MAJIN: variants seen among roughly 807,000 people sequenced by gnomAD.
The protein encoded by MAJIN is membrane-anchored junction protein.
Under a neutral mutation model 30.2 loss-of-function variants are expected in MAJIN, and 27 were observed. That is an observed-to-expected ratio of 0.89 (90% CI 0.66 to 1.23). The LOEUF (loss-of-function observed/expected upper bound fraction) is 1.23. Ranked by LOEUF, MAJIN falls within the 50% of genes most tolerant of loss-of-function variation. MAJIN has a pLI of 0.00. For missense variants in MAJIN, 253 were observed against 260.3 expected, an observed-to-expected ratio of 0.97 and a Z score of 0.19; for synonymous variants, 78 against 91.6, an observed-to-expected ratio of 0.85 and a Z score of 0.85.
chr11:64,948,604 TATA>T (rs1565126768), intron 6 of MAJIN, among the ~76,000 whole-genome samples: 430 of 21,458 alleles, frequency 0.02, 42 homozygotes, highest in Middle Eastern at 0.071. Flanking sequence ...GGCTACATCA[TATA>T]TATATATATA....
At chr11:64,956,704 T>G (rs538711068) in intron 3 of MAJIN, among the ~76,000 whole-genome samples, 97 of 150,606 alleles carry the variant, frequency 6.4e-4, no homozygotes, top group African/African-American at 2.3e-3. Context: ...ATATCCACAA[T>G]GATCTGAGAG....
chr11:64,964,247 T>G (rs1294009711), intron 1 of MAJIN, among the ~76,000 whole-genome samples: 10 of 152,180 alleles, frequency 6.6e-5, no homozygotes, highest in Admixed American at 6.5e-4. Context: ...CCCAGCCTCC[T>G]TTCACTTTCA....
chr11:64,943,639 AG>A (rs2136725179), intron 8 of MAJIN, among the ~76,000 whole-genome samples: 1 of 152,322 alleles, frequency 6.6e-6, no homozygotes, highest in East Asian at 1.9e-4. Flanking sequence ...TTAGGCCTTG[AG>A]TCAAAATCAA....
chr11:64,943,288 A>G (rs1945405549), intron 8 of MAJIN, among the ~76,000 whole-genome samples: 1 of 152,206 alleles, frequency 6.6e-6, no homozygotes. Flanking sequence ...TTATCCTTCC[A>G]AAGTCTGGAT....
intron 2 of MAJIN, among the ~76,000 whole-genome samples, chr11:64,959,685 T>C (rs1945693455): frequency 6.6e-6 from 1 of 152,220 alleles, no homozygotes; most frequent in Non-Finnish European, 1.5e-5. Context: ...ATCATTTCTC[T>C]TCCAGAAGAC....
intron 3 of MAJIN, among the ~76,000 whole-genome samples, chr11:64,958,902 G>A (rs1945678995): frequency 6.6e-6 from 1 of 152,014 alleles, no homozygotes; most frequent in South Asian, 2.1e-4. Context: ...TGGGATTATA[G>A]GTTTGAGCCA....
chr11:64,938,570 A>T lies in MAJIN; in HGVS notation c.*5T>A, dbSNP rs901902657. On this transcript the variant is annotated 3_prime_UTR_variant, in exon 11 of 11. Coordinates refer to ENST00000301896, the MANE Select transcript of MAJIN (RefSeq NM_001037225.3). ...TGAAGAAATATCGAAACGGGAAGAG[A>T]GAGCTGCAAGAATGAGAACAGAGTA... is the stretch of plus-strand genomic sequence containing the variant. 3.3e-6 allele frequency: 5 copies of T among 1,535,686 alleles called. No individual in the cohort carries two copies. The Admixed American group carries it at 5.9e-5, about 18-fold the overall frequency.
At chr11:64,966,440 T>C (rs1945810926) in intron 1 of MAJIN, among the ~76,000 whole-genome samples, 1 of 150,990 alleles carries the variant, frequency 6.6e-6, no homozygotes. Context: ...GAGGCTGAGG[T>C]AGGAGAATTG....
intron 1 of MAJIN, among the ~76,000 whole-genome samples, chr11:64,970,361 C>T (rs1258697627): frequency 2.7e-4 from 18 of 66,040 alleles, no homozygotes; most frequent in South Asian, 5.8e-4. Context: ...AAGACTCCGT[C>T]TTTTTTTTTT....
At position 64,956,736 on chromosome 11, in the gene MAJIN, T is replaced by TTTCCAAAC. The variant is rs547251114; in HGVS notation, c.102-1942_102-1935dup. Among the ~76,000 whole-genome samples, 55 of 151,674 alleles carry TTTCCAAAC rather than the reference T, an allele frequency of 3.6e-4. 1 individual carries two copies. The South Asian group carries it at 9.6e-3, about 27-fold the overall frequency. ...AGAGGGCTACTAATATAGTCCTACC[T>TTTCCAAAC]TTCCAAACTACAAATACATATAAGC... On this transcript the variant is annotated intron_variant, in intron 3 of 10. Transcript: ENST00000301896.
At chr11:64,948,630 TATATATATA>T (rs1232427352) in intron 6 of MAJIN, among the ~76,000 whole-genome samples, 14 of 50,114 alleles carry the variant, frequency 2.8e-4, no homozygotes, top group South Asian at 9.7e-4. Flanking sequence ...TATATATATA[TATATATATA>T]TTTTTTTTTT....
intron 10 of MAJIN, 68 bp from the exon 11 acceptor site, chr11:64,938,641 T>G: frequency 6.7e-7 from 1 of 1,489,192 alleles, no homozygotes; most frequent in South Asian, 1.2e-5. Flanking sequence ...CATTTCCCAT[T>G]AGTGCTTCAC....
intron 1 of MAJIN, among the ~76,000 whole-genome samples, chr11:64,968,638 T>A (rs1240913217): frequency 6.6e-6 from 1 of 151,462 alleles, no homozygotes; most frequent in Non-Finnish European, 1.5e-5. Flanking sequence ...ATCGAGACCA[T>A]CCTGTGAATG....
Position 64,949,829 on chromosome 11 carries a change from T to G in MAJIN, c.263A>C (p.Lys88Thr), listed in dbSNP as rs373389251. ...KWERVSHLKF[K>T]HGEIILIPYP... ...GGGGATCAAGATAATTTCCCCATGT[T>G]TGAATTTCAGGTGGGAAACTCTCTC... is the stretch of plus-strand genomic sequence containing the variant. Residue 88 changes from lysine (K) to threonine (T), a missense_variant, in exon 6 of 11, where the codon AAA (lysine) becomes ACA (threonine). Physicochemically the swap from Lys to Thr is moderately conservative, Grantham distance 78. Transcript: ENST00000301896. 8.5e-5 allele frequency: 136 copies of G among 1,609,316 alleles called. No individual in the cohort carries two copies. Among genetic ancestry groups the G allele is most frequent in the Non-Finnish European group, 1.1e-4 (132 of 1,179,856 alleles).
chr11:64,970,434 T>C (rs1329231407), intron 1 of MAJIN, among the ~76,000 whole-genome samples: 2 of 139,296 alleles, frequency 1.4e-5, no homozygotes, highest in Non-Finnish European at 3.1e-5. Context: ...TGGTGCGATC[T>C]TGGCTCACTG....
At chr11:64,956,293 C>CTG (rs1340413181) in intron 3 of MAJIN, among the ~76,000 whole-genome samples, 4 of 151,492 alleles carry the variant, frequency 2.6e-5, no homozygotes, top group African/African-American at 9.7e-5. Context: ...GAATGAAACT[C>CTG]CATCTCAAAT....
intron 1 of MAJIN, among the ~76,000 whole-genome samples, chr11:64,966,577 A>G (rs1383973862): frequency 6.6e-6 from 1 of 152,132 alleles, no homozygotes; most frequent in Non-Finnish European, 1.5e-5. Flanking sequence ...GACTTTTTAT[A>G]TAAAGAGGGC....
intron 3 of MAJIN, among the ~76,000 whole-genome samples, chr11:64,956,120 G>A (rs919479313): frequency 2.0e-5 from 3 of 152,150 alleles, no homozygotes; most frequent in African/African-American, 4.8e-5. Context: ...GATCAACATG[G>A]AGAAACCCCA....
At chr11:64,963,760 C>G (rs1214251497) in intron 1 of MAJIN, among the ~76,000 whole-genome samples, 2 of 152,056 alleles carry the variant, frequency 1.3e-5, no homozygotes, top group Non-Finnish European at 2.9e-5. Flanking sequence ...ATCGCTTGAA[C>G]CCGGGGAGGT....
Sources: allele counts gnomAD v4.1 joint callset (sites outside exome capture counted in the v4.1 genomes callset), GRCh38; gene constraint gnomAD v4.1.1; transcripts MANE v1.5; gene names NCBI Gene and HGNC (gene_info 2026-07-23, HGNC 2026-07-21).